Variants in XRN2 observed in about 807,000 individuals in gnomAD.
XRN2 encodes DHM1-like protein.
Under a neutral mutation model 138.5 loss-of-function variants are expected in XRN2, and 44 were observed. The ratio of observed to expected loss-of-function variants is 0.32; its 90% CI spans 0.25 to 0.41. XRN2 has a LOEUF of 0.41. XRN2 is among the 10% of genes least tolerant of loss of function. XRN2 has a pLI of 1.00. For synonymous variants in XRN2, 354 were observed against 369.4 expected, an observed-to-expected ratio of 0.96 and a Z score of 0.48; for missense variants, 937 against 1,169.3, an observed-to-expected ratio of 0.80 and a Z score of 2.90.
intron 27 of XRN2, among the ~76,000 whole-genome samples, chr20:21,374,500 C>T (rs984593032): frequency 5.9e-5 from 9 of 151,956 alleles, no homozygotes; most frequent in Non-Finnish European, 1.3e-4. Context: ...TTCTTCTATT[C>T]TTTGTTTCTA....
chr20:21,332,267 C>G lies in XRN2; in HGVS notation c.701-16C>G. ...AATACTCACTGTTCGATGTTTTTCT[C>G]ATTGTTGATTGATAGCTGATCTCAT... On this transcript the variant is annotated splice_polypyrimidine_tract_variant and intron_variant, in intron 8 of 29. Transcript: ENST00000377191. 6.2e-7 allele frequency: 1 copy of G among 1,604,400 alleles called. No homozygotes were observed. Among genetic ancestry groups the G allele is most frequent in the Non-Finnish European group, 8.5e-7 (1 of 1,176,216 alleles).
intron 13 of XRN2, among the ~76,000 whole-genome samples, chr20:21,338,107 A>C (rs1019690974): frequency 6.6e-6 from 1 of 152,010 alleles, no homozygotes; most frequent in Admixed American, 6.6e-5. Flanking sequence ...CCAATTTCCA[A>C]TTTCCTTAAG....
At chr20:21,352,043 T>A (rs1477718873) in intron 20 of XRN2, among the ~76,000 whole-genome samples, 1 of 152,204 alleles carries the variant, frequency 6.6e-6, no homozygotes, top group Non-Finnish European at 1.5e-5. Flanking sequence ...TCACATGAAT[T>A]TTAGGATGGG....
intron 21 of XRN2, among the ~76,000 whole-genome samples, chr20:21,355,705 T>A (rs7265974): frequency 0.012 from 1,887 of 152,088 alleles, 27 homozygotes; most frequent in African/African-American, 0.035. Context: ...AATTAAAAAA[T>A]TTTTTTTAAA....
intron 27 of XRN2, among the ~76,000 whole-genome samples, chr20:21,373,522 C>T (rs2038785350): frequency 6.6e-6 from 1 of 152,168 alleles, no homozygotes; most frequent in Admixed American, 6.5e-5. Context: ...TGTGTATGTT[C>T]AGCTTTAGTG....
rs1334801654 is a variant in XRN2, at chr20:21,356,668, A to G, written c.2198+3A>G. The G allele has an allele frequency of 6.2e-7, 1 of 1,612,740 alleles. No homozygotes were observed. Among genetic ancestry groups the G allele is most frequent in the Admixed American group, 1.7e-5 (1 of 59,922 alleles). On this transcript the variant is annotated splice_donor_region_variant and intron_variant, in intron 23 of 29. Coordinates refer to ENST00000377191, the MANE Select transcript of XRN2 (RefSeq NM_012255.5). The stretch of plus-strand genomic sequence containing the variant: ...GAAGAAGCCATTCTTCCAGATCAGT[A>G]AGTTTCATTTTGTATATAATTGAGG...
chr20:21,369,989 T>C (rs2038743649), intron 27 of XRN2, among the ~76,000 whole-genome samples: 1 of 152,190 alleles, frequency 6.6e-6, no homozygotes, highest in Admixed American at 6.5e-5. Context: ...GTTGTAGCAG[T>C]TTCATAGATT....
intron 17 of XRN2, among the ~76,000 whole-genome samples, chr20:21,346,751 C>G (rs766912356): frequency 1.3e-5 from 2 of 152,092 alleles, no homozygotes; most frequent in Non-Finnish European, 2.9e-5. Context: ...TCCTGAGTAG[C>G]TAGGATTACA....
intron 16 of XRN2, among the ~76,000 whole-genome samples, chr20:21,344,839 T>G (rs2038416119): frequency 6.6e-6 from 1 of 152,178 alleles, no homozygotes; most frequent in African/African-American, 2.4e-5. Context: ...CAACCTCTCA[T>G]GTAATTAAAT....
intron 26 of XRN2, among the ~76,000 whole-genome samples, chr20:21,366,106 A>T (rs1259082595): frequency 4.2e-5 from 5 of 117,772 alleles, no homozygotes; most frequent in African/African-American, 1.6e-4. Context: ...AACATATATA[A>T]ATATATATTA....
chr20:21,381,432 C>T (rs1356621798), intron 27 of XRN2, among the ~76,000 whole-genome samples: 1 of 152,128 alleles, frequency 6.6e-6, no homozygotes, highest in Non-Finnish European at 1.5e-5. Flanking sequence ...TTCAGCTTTG[C>T]GTTACAAGAA....
Position 21,333,537 on chromosome 20 carries a change from C to G in XRN2, c.859-7C>G. The G allele has an allele frequency of 6.2e-7, 1 of 1,611,720 alleles. No homozygotes were observed. The highest frequency in any genetic ancestry group is 1.7e-5 in the Admixed American group (1 of 59,994). Reference sequence around the variant, plus strand: ...GACTTGTTTCATCTTCATTCCTGTTCTTGCAGCATGATGAACTTGCCGATA... The same window carrying G: ...GACTTGTTTCATCTTCATTCCTGTTGTTGCAGCATGATGAACTTGCCGATA... On this transcript the variant is annotated splice_polypyrimidine_tract_variant and splice_region_variant and intron_variant, in intron 9 of 29. Transcript: ENST00000377191.
chr20:21,343,820 T>G (rs2038402048), intron 15 of XRN2, among the ~76,000 whole-genome samples: 3 of 152,146 alleles, frequency 2.0e-5, no homozygotes, highest in Admixed American at 2.0e-4. Flanking sequence ...ATTAAAACTT[T>G]TTTTTTCTTC....
At chr20:21,337,562 C>T (rs867418711) in intron 13 of XRN2, among the ~76,000 whole-genome samples, 1 of 152,020 alleles carries the variant, frequency 6.6e-6, no homozygotes, top group Non-Finnish European at 1.5e-5. Flanking sequence ...AGCCATGAGA[C>T]CAGGTGATGA....
At chr20:21,312,602 A>ATT (rs375836250) in intron 1 of XRN2, among the ~76,000 whole-genome samples, 15 of 137,314 alleles carry the variant, frequency 1.1e-4, no homozygotes, top group African/African-American at 2.8e-4. Flanking sequence ...AAACCCCAAG[A>ATT]TTTTTTTTTT....
intron 1 of XRN2, among the ~76,000 whole-genome samples, chr20:21,309,074 A>G (rs2037842536): frequency 2.6e-5 from 4 of 152,172 alleles, no homozygotes; most frequent in Admixed American, 2.6e-4. Flanking sequence ...AGTTTGCTAA[A>G]GTTTGCTAAA....
chr20:21,319,568 C>G (rs1050762826), intron 1 of XRN2, among the ~76,000 whole-genome samples: 1 of 151,784 alleles, frequency 6.6e-6, no homozygotes, highest in Non-Finnish European at 1.5e-5. Context: ...GTAATTTTTT[C>G]CACTATATAT....
intron 1 of XRN2, among the ~76,000 whole-genome samples, chr20:21,321,337 GT>G (rs2038040977): frequency 6.7e-6 from 1 of 150,284 alleles, no homozygotes; most frequent in East Asian, 1.9e-4. Context: ...GTGTGTGTGT[GT>G]GTGTGTGTGT....
chr20:21,366,590 T>TA (rs2038707204), intron 26 of XRN2, among the ~76,000 whole-genome samples: 1 of 148,546 alleles, frequency 6.7e-6, no homozygotes, highest in Non-Finnish European at 1.5e-5. Flanking sequence ...AAAAAGAAAA[T>TA]ACTGAGTTTG....
Sources: allele counts gnomAD v4.1 joint callset (sites outside exome capture counted in the v4.1 genomes callset), GRCh38; gene constraint gnomAD v4.1.1; transcripts MANE v1.5; gene names NCBI Gene and HGNC (gene_info 2026-07-23, HGNC 2026-07-21).